EDIL3: variants seen among roughly 807,000 people sequenced by gnomAD.
The protein encoded by EDIL3 is EGF-like repeat and discoidin I-like domain-containing protein 3.
EDIL3 carries 37 observed loss-of-function variants against 67.4 expected under a neutral mutation model. That is an observed-to-expected ratio of 0.55 (90% CI 0.42 to 0.72). The LOEUF is 0.72. EDIL3 is among the 30% of genes least tolerant of loss of function. The pLI, the probability that EDIL3 is intolerant of heterozygous loss-of-function variation, is 0.00. For synonymous variants in EDIL3, 195 were observed against 196.3 expected (o/e 0.99, Z 0.05); for missense variants, 527 against 586.3 (o/e 0.90, Z 1.04).
At position 84,106,715 on chromosome 5, in the gene EDIL3, A is replaced by T. The variant is rs1561433368; in HGVS notation, c.585T>A (p.Arg195=). The part of the protein sequence containing the change: ...GLQKWYPYYA[R]LNKKGLINAW... ...CATTTATAAGCCCCTTCTTATTAAG[A>T]CGTGCATAGTAGGGATACCATTTTT... Residue 195 remains arginine (R), a synonymous_variant, in exon 6 of 11, where the codon CGT becomes CGA. Transcript: ENST00000296591. The T allele has an allele frequency of 6.2e-7, 1 of 1,613,012 alleles. No individual in the cohort carries two copies. Among genetic ancestry groups the T allele is most frequent in the Non-Finnish European group, 8.5e-7 (1 of 1,179,418 alleles).
intron 2 of EDIL3, among the ~76,000 whole-genome samples, chr5:84,244,132 C>T (rs150363013): frequency 4.9e-4 from 75 of 152,230 alleles, no homozygotes; most frequent in African/African-American, 1.7e-3. Flanking sequence ...ATCTCAGTAA[C>T]CCTTATGCTT....
chr5:84,113,298 T>A lies in EDIL3; in HGVS notation c.470-6468A>T, dbSNP rs185360774. Among the ~76,000 whole-genome samples the A allele has an allele frequency of 3.9e-5, 6 of 152,308 alleles. No individual in the cohort carries two copies. The East Asian group carries it at 1.2e-3, about 29-fold the overall frequency. Reference sequence around the variant, plus strand: ...AGGTACGACAATAATCCTAAATTAATGAGTCCATTCAACATTGGCTACCAG... The same window carrying A: ...AGGTACGACAATAATCCTAAATTAAAGAGTCCATTCAACATTGGCTACCAG... On this transcript the variant is annotated intron_variant, in intron 5 of 10. Transcript: ENST00000296591.
At chr5:83,995,724 A>G (rs1231822971) in intron 9 of EDIL3, among the ~76,000 whole-genome samples, 1 of 152,128 alleles carries the variant, frequency 6.6e-6, no homozygotes, top group Non-Finnish European at 1.5e-5. Context: ...GCTTTATTAC[A>G]TTCCATTACC....
At chr5:84,342,506 A>T (rs1408262486) in intron 1 of EDIL3, among the ~76,000 whole-genome samples, 1 of 152,076 alleles carries the variant, frequency 6.6e-6, no homozygotes, top group Non-Finnish European at 1.5e-5. Context: ...GAAAGCCGTG[A>T]CTTCACCACT....
chr5:84,257,662 T>C (rs1187449308), intron 1 of EDIL3, among the ~76,000 whole-genome samples: 5 of 152,264 alleles, frequency 3.3e-5, no homozygotes, highest in African/African-American at 9.6e-5. Flanking sequence ...AAAGGGATTA[T>C]TGTATTTGAA....
intron 9 of EDIL3, among the ~76,000 whole-genome samples, chr5:84,050,197 C>CAAAAAAA (rs11335643): frequency 1.2e-4 from 7 of 60,840 alleles, no homozygotes; most frequent in East Asian, 4.8e-4. Context: ...AACTCCATCT[C>CAAAAAAA]AAAAAAAAAA....
chr5:84,340,389 T>C (rs1029987025), intron 1 of EDIL3, among the ~76,000 whole-genome samples: 6 of 151,564 alleles, frequency 4.0e-5, no homozygotes, highest in African/African-American at 1.2e-4. Flanking sequence ...CCATTTCTTA[T>C]TTGGAGGATA....
intron 2 of EDIL3, among the ~76,000 whole-genome samples, chr5:84,251,852 TCAAA>T (rs1422494840): frequency 6.6e-6 from 1 of 152,106 alleles, no homozygotes; most frequent in Non-Finnish European, 1.5e-5. Flanking sequence ...TACTAAATGA[TCAAA>T]CAAATACAAA....
chr5:84,317,612 A>C (rs1746542150), intron 1 of EDIL3, among the ~76,000 whole-genome samples: 1 of 152,164 alleles, frequency 6.6e-6, no homozygotes, highest in African/African-American at 2.4e-5. Context: ...ATAGCCTACC[A>C]ACCAAAAAAA....
At chr5:84,034,395 G>C (rs1231482244) in intron 9 of EDIL3, among the ~76,000 whole-genome samples, 1 of 152,050 alleles carries the variant, frequency 6.6e-6, no homozygotes, top group African/African-American at 2.4e-5. Context: ...CCACATTTTA[G>C]GTGGGAATTA....
At chr5:84,368,073 T>C (rs753597429) in intron 1 of EDIL3, among the ~76,000 whole-genome samples, 45 of 152,298 alleles carry the variant, frequency 3.0e-4, no homozygotes, top group Admixed American at 4.6e-4. Flanking sequence ...GATGTAACTA[T>C]TTTGAAACTC....
At chr5:83,955,542 A>G (rs1386442574) in intron 10 of EDIL3, among the ~76,000 whole-genome samples, 1 of 151,648 alleles carries the variant, frequency 6.6e-6, no homozygotes, top group African/African-American at 2.4e-5. Context: ...AACAATAAGC[A>G]TGTATTTACT....
intron 1 of EDIL3, among the ~76,000 whole-genome samples, chr5:84,369,366 T>C (rs1235397641): frequency 6.6e-6 from 1 of 151,928 alleles, no homozygotes; most frequent in Non-Finnish European, 1.5e-5. Flanking sequence ...AACATACACA[T>C]ACATACATAT....
At chr5:84,045,758 T>C (rs1340785902) in intron 9 of EDIL3, among the ~76,000 whole-genome samples, 10 of 152,192 alleles carry the variant, frequency 6.6e-5, no homozygotes, top group Admixed American at 5.9e-4. Flanking sequence ...CACTGAGGCA[T>C]GTTTTCCTTG....
chr5:84,199,750 C>T (rs1336038877), intron 3 of EDIL3, among the ~76,000 whole-genome samples: 2 of 151,914 alleles, frequency 1.3e-5, no homozygotes, highest in East Asian at 1.9e-4. Flanking sequence ...GTTTTCATGT[C>T]GTGGGATTGA....
In EDIL3 at chr5:84,216,024, G is replaced by T. The variant is rs527531966; in HGVS notation, c.226+13831C>A. ...AGAAGAGACTGAAGAGGGGCCTGGA[G>T]TACCAGCAAATCCATGAGTGAGAAG... On this transcript the variant is annotated intron_variant, in intron 3 of 10. Transcript: ENST00000296591. 3.3e-5 allele frequency among the ~76,000 whole-genome samples: 5 copies of T among 152,320 alleles called. No individual in the cohort carries two copies. The South Asian group carries it at 6.2e-4, about 19-fold the overall frequency.
chr5:84,179,301 C>A (rs1748974196), intron 4 of EDIL3, among the ~76,000 whole-genome samples: 1 of 152,130 alleles, frequency 6.6e-6, no homozygotes. Context: ...CACCTCTGGG[C>A]CCAACCTGAG....
chr5:84,326,537 TTTATGG>T (rs1746760348), intron 1 of EDIL3, among the ~76,000 whole-genome samples: 1 of 151,906 alleles, frequency 6.6e-6, no homozygotes. Flanking sequence ...GATGGTAATT[TTTATGG>T]TATGTATATT....
At chr5:84,340,860 G>C (rs1380413944) in intron 1 of EDIL3, among the ~76,000 whole-genome samples, 1 of 151,434 alleles carries the variant, frequency 6.6e-6, no homozygotes, top group Non-Finnish European at 1.5e-5. Flanking sequence ...TTTTCATTCA[G>C]TTTCTCAAAG....
Sources: gnomAD v4.1 joint callset for allele counts (sites outside exome capture counted in the v4.1 genomes callset) on GRCh38, gnomAD v4.1.1 for gene constraint, MANE v1.5 for transcripts, NCBI Gene and HGNC (gene_info 2026-07-23, HGNC 2026-07-21) for gene names.